BTG4: variants seen among roughly 807,000 people sequenced by gnomAD.
The protein encoded by BTG4 is BTG anti-proliferation factor 4.
Under a neutral mutation model 19.3 loss-of-function variants are expected in BTG4, and 10 were observed. That is an observed-to-expected ratio of 0.52 (90% CI 0.32 to 0.88). The LOEUF (loss-of-function observed/expected upper bound fraction) is 0.88. Ranked by LOEUF, BTG4 falls within the 40% of genes least tolerant of loss-of-function variation. The pLI, the probability that BTG4 is intolerant of heterozygous loss-of-function variation, is 0.04. For missense variants in BTG4, 238 were observed against 281.9 expected (o/e 0.84, Z 1.11); for synonymous variants, 91 against 95.7 (o/e 0.95, Z 0.29).
the BTG4 span, among the ~76,000 whole-genome samples, chr11:111,441,729 G>A: frequency 5.3e-5 from 8 of 152,264 alleles, no homozygotes; most frequent in South Asian, 2.1e-4. Flanking sequence ...CATGGTTGAC[G>A]GGCAGGGGAC....
intron 5 of BTG4, among the ~76,000 whole-genome samples, chr11:111,487,230 A>G (rs1865122310): frequency 6.6e-6 from 1 of 152,162 alleles, no homozygotes; most frequent in Admixed American, 6.6e-5. Context: ...ATTGATGGGC[A>G]TTTAGGTTGG....
intron 1 of BTG4, among the ~76,000 whole-genome samples, chr11:111,500,245 A>G (rs1214628118): frequency 2.6e-5 from 4 of 152,236 alleles, no homozygotes; most frequent in Non-Finnish European, 5.9e-5. Flanking sequence ...ATCAGTAGTT[A>G]TCAAGTTCCC....
intron 1 of BTG4, among the ~76,000 whole-genome samples, chr11:111,502,589 G>A (rs1489426728): frequency 6.6e-6 from 1 of 152,180 alleles, no homozygotes; most frequent in Non-Finnish European, 1.5e-5. Flanking sequence ...CTTGTATACT[G>A]CTGAAATTTT....
chr11:111,460,933 T>C, the BTG4 span, among the ~76,000 whole-genome samples: 1 of 152,050 alleles, frequency 6.6e-6, no homozygotes, highest in Non-Finnish European at 1.5e-5. Flanking sequence ...CCTCTCCCCC[T>C]GTCTCTCCCA....
the BTG4 span, among the ~76,000 whole-genome samples, chr11:111,403,549 A>G: frequency 1.3e-5 from 2 of 152,224 alleles, no homozygotes; most frequent in African/African-American, 4.8e-5. Flanking sequence ...CCATTCAACC[A>G]AAACTAACTT....
chr11:111,435,632 G>T, the BTG4 span, among the ~76,000 whole-genome samples: 5 of 152,200 alleles, frequency 3.3e-5, no homozygotes, highest in Non-Finnish European at 5.9e-5. Flanking sequence ...TGTCCCAACA[G>T]GTTTGTGGAC....
At chr11:111,503,790 T>C (rs1420463891) in intron 1 of BTG4, among the ~76,000 whole-genome samples, 1 of 152,150 alleles carries the variant, frequency 6.6e-6, no homozygotes, top group East Asian at 1.9e-4. Context: ...GTTTCTAGAA[T>C]TGCATTCTTC....
At chr11:111,498,392 T>G (rs1865868181) in intron 2 of BTG4, among the ~76,000 whole-genome samples, 1 of 152,230 alleles carries the variant, frequency 6.6e-6, no homozygotes, top group African/African-American at 2.4e-5. Context: ...AATTGTTTAA[T>G]CTACCTCACA....
At chr11:111,450,534 T>A in the BTG4 span, 1 of 152,460 alleles carries the variant, frequency 6.6e-6, no homozygotes, top group Non-Finnish European at 1.5e-5. Flanking sequence ...GGGCGTGTGC[T>A]CTGTCCCATG....
the BTG4 span, chr11:111,384,683 A>G: frequency 3.3e-5 from 5 of 152,184 alleles, no homozygotes; most frequent in African/African-American, 7.2e-5. Context: ...AAAGCATTCA[A>G]ATGAAAAGAG....
the BTG4 span, among the ~76,000 whole-genome samples, chr11:111,405,211 C>T: frequency 6.6e-6 from 1 of 152,020 alleles, no homozygotes; most frequent in Non-Finnish European, 1.5e-5. Flanking sequence ...CGAGGCCAGC[C>T]TGGCCAACAT....
At chr11:111,393,547 C>A in the BTG4 span, among the ~76,000 whole-genome samples, 14 of 152,132 alleles carry the variant, frequency 9.2e-5, no homozygotes, top group African/African-American at 3.4e-4. Context: ...ACAGGATGCA[C>A]CATCATGATT....
the BTG4 span, chr11:111,455,381 C>T: frequency 3.9e-6 from 1 of 253,494 alleles, no homozygotes; most frequent in Non-Finnish European, 8.1e-6. Flanking sequence ...TGTCTCTGAC[C>T]CAGGCTGCTG....
the BTG4 span, among the ~76,000 whole-genome samples, chr11:111,447,959 C>T: frequency 6.6e-6 from 1 of 152,156 alleles, no homozygotes; most frequent in African/African-American, 2.4e-5. Flanking sequence ...GCTTTGCTGC[C>T]TTCTAACTCT....
intron 5 of BTG4, among the ~76,000 whole-genome samples, chr11:111,478,619 C>T (rs1432012719): frequency 3.3e-5 from 5 of 152,062 alleles, no homozygotes; most frequent in Admixed American, 3.3e-4. Context: ...ATGCTTGAAA[C>T]AAATGAGATA....
At chr11:111,454,576 G>A in the BTG4 span, among the ~76,000 whole-genome samples, 4 of 152,118 alleles carry the variant, frequency 2.6e-5, no homozygotes, top group East Asian at 1.9e-4. Context: ...CTAGGGCTTC[G>A]GACCAGTAAT....
intron 4 of BTG4, chr11:111,496,592 G>A (rs576030308): frequency 6.2e-4 from 94 of 152,286 alleles, no homozygotes; most frequent in African/African-American, 2.2e-3. Flanking sequence ...TACATATAGT[G>A]TTAACAAATT....
At position 111,511,851 on chromosome 11, in the gene BTG4, T is replaced by C. The variant is rs116299031; in HGVS notation, c.-27+330A>G. On this transcript the variant is annotated intron_variant, in intron 1 of 4. Transcript: ENST00000692032. ...CTTCTTTGACCTATTACAGCTCTCATTGAGGACCTCCCTTCTATTTCTGAT... is the reference window on the plus strand; with the variant it reads ...CTTCTTTGACCTATTACAGCTCTCACTGAGGACCTCCCTTCTATTTCTGAT... Among the ~76,000 whole-genome samples the C allele has an allele frequency of 7.7e-3, 1,167 of 152,346 alleles. 23 individuals are homozygous for C. Among genetic ancestry groups the C allele is most frequent in the African/African-American group, 0.026 (1,075 of 41,580 alleles).
At chr11:111,403,090 G>A in the BTG4 span, among the ~76,000 whole-genome samples, 1 of 152,164 alleles carries the variant, frequency 6.6e-6, no homozygotes, top group Non-Finnish European at 1.5e-5. Context: ...TGGGCCCCAA[G>A]AGTCACAGGG....
Sources: allele counts gnomAD v4.1 joint callset (sites outside exome capture counted in the v4.1 genomes callset), GRCh38; gene constraint gnomAD v4.1.1; transcripts MANE v1.5; gene names NCBI Gene and HGNC (gene_info 2026-07-23, HGNC 2026-07-21).